RUVBL1: variants seen among roughly 807,000 people sequenced by gnomAD.
RUVBL1 encodes the protein ruvB-like 1.
In RUVBL1, 4 loss-of-function variants were observed where a neutral mutation model predicts 52.4. The observed-to-expected ratio is 0.08, with a 90% confidence interval of 0.04 to 0.17. RUVBL1 has a LOEUF of 0.17. RUVBL1 is among the 10% of genes least tolerant of loss of function. RUVBL1 has a pLI of 1.00. For synonymous variants in RUVBL1, 217 were observed against 214.4 expected, an observed-to-expected ratio of 1.01 and a Z score of -0.10; for missense variants, 298 against 572.8, an observed-to-expected ratio of 0.52 and a Z score of 4.90.
At chr3:128,075,486 A>C (rs1374573964) in intron 9 of RUVBL1, among the ~76,000 whole-genome samples, 2 of 152,134 alleles carry the variant, frequency 1.3e-5, no homozygotes. Context: ...CATTTTTTTT[A>C]ATTGAAAGCC....
At chr3:128,100,111 C>T (rs931024720) in intron 6 of RUVBL1, among the ~76,000 whole-genome samples, 1 of 152,206 alleles carries the variant, frequency 6.6e-6, no homozygotes, top group African/African-American at 2.4e-5. Flanking sequence ...TGATAACATC[C>T]TTTCCTGCAC....
chr3:128,151,767 C>T (rs1274526880), intron 1 of RUVBL1, among the ~76,000 whole-genome samples: 1 of 152,080 alleles, frequency 6.6e-6, no homozygotes, highest in African/African-American at 2.4e-5. Flanking sequence ...GAGAGGGACA[C>T]AATTCAGTCT....
In RUVBL1 at chr3:128,067,609, A is replaced by G; in HGVS notation, c.940-2389T>C. ...TTGAGGTCTCAGGTTCCTCTGCCAA[A>G]GATGTAAGTAGAAGCAAAACTTTCT... On this transcript the variant is annotated intron_variant, in intron 9 of 9. Transcript: ENST00000464873. This position sits in a 1 kb window ranked among gnomAD's most constrained non-coding sequence, Gnocchi z 4.1. 1.9e-6 allele frequency: 3 copies of G among 1,607,694 alleles called. No individual in the cohort carries two copies. Among genetic ancestry groups the G allele is most frequent in the Non-Finnish European group, 2.5e-6 (3 of 1,176,508 alleles).
chr3:128,067,171 A>C lies in RUVBL1; in HGVS notation c.940-1951T>G, dbSNP rs1451824012. The C allele has an allele frequency of 6.2e-7, 1 of 1,610,384 alleles. No homozygotes were observed. The highest frequency in any genetic ancestry group is 1.1e-5 in the South Asian group (1 of 91,022). On this transcript the variant is annotated intron_variant, in intron 9 of 9. Transcript: ENST00000464873. This position sits in a 1 kb window ranked among gnomAD's most constrained non-coding sequence, Gnocchi z 4.1. Reference sequence around the variant, plus strand: ...TGGTCGGTAAGTAGGCTCTTTGAAGATGAGCTAGCAATGCAGCTAAGTTGC... The same window carrying C: ...TGGTCGGTAAGTAGGCTCTTTGAAGCTGAGCTAGCAATGCAGCTAAGTTGC...
chr3:128,146,883 G>A (rs1944114944), intron 1 of RUVBL1, among the ~76,000 whole-genome samples: 1 of 152,236 alleles, frequency 6.6e-6, no homozygotes, highest in South Asian at 2.1e-4. Context: ...CCATTTGCCT[G>A]CCACTGTGCT....
intron 2 of RUVBL1, among the ~76,000 whole-genome samples, chr3:128,114,450 T>C (rs1194890067): frequency 6.6e-6 from 1 of 152,220 alleles, no homozygotes; most frequent in Non-Finnish European, 1.5e-5. Context: ...TAATTTTCAG[T>C]GTGACCTTGG....
intron 1 of RUVBL1, among the ~76,000 whole-genome samples, chr3:128,134,133 C>A (rs539987074): frequency 6.6e-6 from 1 of 152,108 alleles, no homozygotes; most frequent in African/African-American, 2.4e-5. Context: ...CAGTCCACAG[C>A]AGAACTGATC....
chr3:128,067,585 T>TG lies in RUVBL1; in HGVS notation c.940-2366dup. The TG allele has an allele frequency of 6.2e-7, 1 of 1,610,918 alleles. No individual in the cohort carries two copies. The highest frequency in any genetic ancestry group is 8.5e-7 in the Non-Finnish European group (1 of 1,178,946). On this transcript the variant is annotated intron_variant, in intron 9 of 9. Coordinates refer to the RUVBL1 transcript ENST00000464873. The surrounding 1 kb of genome is among the most constrained non-coding windows in gnomAD (Gnocchi z 4.1). ...GTGCATTCTTCTCCAAAACGTGGATTGAGGTCTCAGGTTCCTCTGCCAAAG... is the reference window on the plus strand; with the variant it reads ...GTGCATTCTTCTCCAAAACGTGGATTGGAGGTCTCAGGTTCCTCTGCCAAAG...
Position 128,089,909 on chromosome 3 carries a change from CAAAAAAAAAAAA to C in RUVBL1, c.1017-2113_1017-2102del, listed in dbSNP as rs57182193. Among the ~76,000 whole-genome samples, 81 of 59,344 alleles carry C rather than the reference CAAAAAAAAAAAA, an allele frequency of 1.4e-3. 1 individual carries two copies. Among genetic ancestry groups the C allele is most frequent in the African/African-American group, 2.2e-3 (33 of 15,054 alleles). The allele number at this position is 59,344 out of a possible 152,430, so 38.9% of individuals were successfully genotyped here. A position where few individuals can be genotyped will look rare whatever the true frequency, so the allele number is the denominator to read the frequency against. ...TGGGTGACAGAGTGAGACCCTATCT[CAAAAAAAAAAAA>C]AAAAAAAAAAAAAAAAAAACACAGA... is the stretch of plus-strand genomic sequence containing the variant. On this transcript the variant is annotated intron_variant, in intron 8 of 10. Coordinates refer to ENST00000322623, the MANE Select transcript of RUVBL1 (RefSeq NM_003707.3).
In RUVBL1 at chr3:128,095,831, A is replaced by G. The variant is rs371831988; in HGVS notation, c.1016+1469T>C. ...CTATTCACAGGTGCAATCATTGCAC[A>G]CTACAACCTTAAACTCCTAGCCTCA... is the stretch of plus-strand genomic sequence containing the variant. On this transcript the variant is annotated intron_variant, in intron 8 of 10. Transcript: ENST00000322623. Among the ~76,000 whole-genome samples the G allele has an allele frequency of 3.3e-5, 5 of 152,274 alleles. No individual in the cohort carries two copies. The East Asian group carries it at 9.7e-4, about 29-fold the overall frequency.
intron 7 of RUVBL1, among the ~76,000 whole-genome samples, chr3:128,098,273 G>A (rs866800770): frequency 3.3e-5 from 5 of 152,202 alleles, no homozygotes; most frequent in African/African-American, 7.2e-5. Flanking sequence ...ACCGAAAACC[G>A]TGTGAAAAGA....
chr3:128,124,614 T>C (rs1169964566), upstream of RUVBL1, among the ~76,000 whole-genome samples: 1 of 152,118 alleles, frequency 6.6e-6, no homozygotes, highest in African/African-American at 2.4e-5. Flanking sequence ...CATCCATCCA[T>C]CCATCCGTTC....
intron 1 of RUVBL1, among the ~76,000 whole-genome samples, chr3:128,137,669 A>G (rs1943967612): frequency 6.6e-6 from 1 of 152,232 alleles, no homozygotes; most frequent in Admixed American, 6.5e-5. Flanking sequence ...AGGAGGGAAT[A>G]CTTCCAAACT....
intron 1 of RUVBL1, among the ~76,000 whole-genome samples, chr3:128,130,682 A>G (rs1943864995): frequency 6.7e-6 from 1 of 149,722 alleles, no homozygotes; most frequent in South Asian, 2.1e-4. Context: ...ACGGAGTCTT[A>G]CTCTGTCCCC....
chr3:128,118,847 T>C (rs577171698), intron 2 of RUVBL1, among the ~76,000 whole-genome samples: 1 of 152,366 alleles, frequency 6.6e-6, no homozygotes, highest in African/African-American at 2.4e-5. Flanking sequence ...CCTTTCTTTC[T>C]GCCCTGGAGA....
chr3:128,072,916 G>C (rs1415147323), intron 9 of RUVBL1, among the ~76,000 whole-genome samples: 1 of 151,926 alleles, frequency 6.6e-6, no homozygotes, highest in South Asian at 2.1e-4. Flanking sequence ...GCACAGTGAT[G>C]GGGGGGTAAG....
intron 9 of RUVBL1, among the ~76,000 whole-genome samples, chr3:128,074,860 A>C (rs898339988): frequency 6.6e-6 from 1 of 151,570 alleles, no homozygotes; most frequent in African/African-American, 2.4e-5. Context: ...AAAAAAAAAA[A>C]AAAAACTTAA....
intron 9 of RUVBL1, among the ~76,000 whole-genome samples, chr3:128,087,472 A>C (rs1376639426): frequency 1.3e-5 from 2 of 152,240 alleles, no homozygotes; most frequent in Non-Finnish European, 2.9e-5. Flanking sequence ...CGAACAGCCA[A>C]GACAGGGAGC....
At chr3:128,107,133 C>T (rs1285676510) in intron 3 of RUVBL1, among the ~76,000 whole-genome samples, 1 of 152,194 alleles carries the variant, frequency 6.6e-6, no homozygotes, top group Admixed American at 6.5e-5. Context: ...TTACGAAATA[C>T]TGCTCTAAAT....
Sources: gnomAD v4.1 joint callset for allele counts (sites outside exome capture counted in the v4.1 genomes callset) on GRCh38, gnomAD v4.1.1 for gene constraint, Gnocchi (gnomAD v3.1) non-coding constraint, MANE v1.5 for transcripts, NCBI Gene and HGNC (gene_info 2026-07-23, HGNC 2026-07-21) for gene names.